Variants in WDFY3 observed in about 807,000 individuals in gnomAD.
The protein encoded by WDFY3 is WD repeat and FYVE domain-containing protein 3.
A neutral mutation model predicts 409.6 loss-of-function variants in WDFY3; 66 were observed. The observed-to-expected ratio is 0.16, with a 90% CI of 0.13 to 0.20. The LOEUF is 0.20. Among genes scored for constraint, WDFY3 ranks in the 10% least tolerant of loss-of-function variants. The pLI is 1.00. For missense variants in WDFY3, 3,031 were observed against 4,298.1 expected (o/e 0.71, Z 8.24); for synonymous variants, 1,521 against 1,537.1 (o/e 0.99, Z 0.25).
chr4:84,762,951 A>C (rs1477169896), intron 32 of WDFY3, among the ~76,000 whole-genome samples: 8 of 152,100 alleles, frequency 5.3e-5, no homozygotes, highest in Non-Finnish European at 1.5e-5. Flanking sequence ...ATCTCTAAAA[A>C]ATAAAAAAAA....
At chr4:84,790,625 T>C (rs978701278) in intron 21 of WDFY3, among the ~76,000 whole-genome samples, 4 of 152,084 alleles carry the variant, frequency 2.6e-5, no homozygotes, top group Non-Finnish European at 5.9e-5. Context: ...TATCTCAAAC[T>C]GAAAAGCTTT....
chr4:84,675,627 A>G lies in WDFY3; in HGVS notation c.10457+1572T>C, dbSNP rs114148863. ...GTGAGCATTTGGTCAGTGTAAACCC[A>G]AAGACTATGCCCATACCAGTAAGCC... On this transcript the variant is annotated intron_variant, in intron 67 of 67. Transcript: ENST00000295888. Among the ~76,000 whole-genome samples the G allele has an allele frequency of 2.0e-3, 298 of 152,308 alleles. 3 individuals carry two copies. Among genetic ancestry groups the G allele is most frequent in the African/African-American group, 6.9e-3 (285 of 41,574 alleles).
chr4:84,762,863 G>C (rs192676681), intron 32 of WDFY3, among the ~76,000 whole-genome samples: 221 of 152,200 alleles, frequency 1.5e-3, no homozygotes, highest in African/African-American at 5.2e-3. Flanking sequence ...AGGCATCTCA[G>C]CTACTCAGGA....
intron 7 of WDFY3, among the ~76,000 whole-genome samples, chr4:84,833,784 T>C (rs1039409982): frequency 6.6e-6 from 1 of 152,106 alleles, no homozygotes; most frequent in Admixed American, 6.5e-5. Context: ...AATATCACAT[T>C]TTATCTGAGA....
chr4:84,943,265 G>A (rs1772369992), intron 1 of WDFY3, among the ~76,000 whole-genome samples: 1 of 152,116 alleles, frequency 6.6e-6, no homozygotes, highest in African/African-American at 2.4e-5. Flanking sequence ...ACTTTGGGAG[G>A]CCGAGGCGGG....
intron 13 of WDFY3, among the ~76,000 whole-genome samples, chr4:84,811,345 C>T (rs1752460431): frequency 6.6e-6 from 1 of 152,160 alleles, no homozygotes; most frequent in African/African-American, 2.4e-5. Context: ...AATATTTTAT[C>T]AGGCACTTGC....
chr4:84,683,608 A>G (rs1727776705), intron 63 of WDFY3, among the ~76,000 whole-genome samples: 1 of 152,116 alleles, frequency 6.6e-6, no homozygotes, highest in African/African-American at 2.4e-5. Context: ...TGTTTTCCCT[A>G]CGAAGCCATT....
chr4:84,743,631 T>G (rs1200949259), intron 37 of WDFY3, 69 bp downstream of exon 37: 5 of 1,194,514 alleles, frequency 4.2e-6, no homozygotes, highest in Non-Finnish European at 5.6e-6. Context: ...TGTTAAAAAG[T>G]AGTTTTACTT....
chr4:84,900,491 T>C (rs954347972), intron 2 of WDFY3, among the ~76,000 whole-genome samples: 2 of 152,156 alleles, frequency 1.3e-5, no homozygotes. Context: ...GAGATTACAG[T>C]CATGAGCCAC....
rs566656964 is a variant in WDFY3 at position 84,688,194 on chromosome 4, C to T, written c.9435G>A (p.Gly3145=). ...AAATGATACAGGTTCGATCACGGGA[C>T]CCACTGACAATTATGTGATAGGCTA... The part of the protein sequence containing the change: ...ASLAYHIIVS[G]SRDRTCIIWD... Residue 3145 remains glycine (G), a synonymous_variant, in exon 62 of 68, where the codon GGG becomes GGA. Coordinates refer to ENST00000295888, the MANE Select transcript of WDFY3 (RefSeq NM_014991.6). The T allele has an allele frequency of 4.4e-5, 71 of 1,614,160 alleles. 1 individual carries two copies. The South Asian group carries it at 5.2e-4, about 12-fold the overall frequency.
intron 3 of WDFY3, among the ~76,000 whole-genome samples, chr4:84,864,365 CAAAAAAAAAAA>C (rs35016773): frequency 9.2e-5 from 3 of 32,572 alleles, no homozygotes; most frequent in African/African-American, 3.4e-4. Context: ...GACTCCATCT[CAAAAAAAAAAA>C]AAAAAAAAAA....
intron 32 of WDFY3, among the ~76,000 whole-genome samples, chr4:84,764,335 A>G (rs998283927): frequency 2.0e-5 from 3 of 152,208 alleles, no homozygotes; most frequent in Non-Finnish European, 4.4e-5. Flanking sequence ...CAAAATAATC[A>G]TATCTGTAGA....
At chr4:84,780,367 T>G in intron 25 of WDFY3, 69 bp from the exon 26 acceptor site, 1 of 1,414,018 alleles carries the variant, frequency 7.1e-7, no homozygotes, top group Non-Finnish European at 9.4e-7. Flanking sequence ...ATACATCATC[T>G]TGAAAAGTTT....
chr4:84,739,988 G>C (rs953211753), intron 39 of WDFY3, among the ~76,000 whole-genome samples, 199 bp downstream of exon 39: 4 of 151,118 alleles, frequency 2.6e-5, no homozygotes, highest in African/African-American at 9.8e-5. Context: ...TAAAGGTGTA[G>C]AAAACTAAGT....
At position 84,718,563 on chromosome 4, in the gene WDFY3, T is replaced by G; in HGVS notation, c.7613A>C (p.His2538Pro). The G allele has an allele frequency of 6.2e-7, 1 of 1,606,598 alleles. No homozygotes were observed. Among genetic ancestry groups the G allele is most frequent in the Non-Finnish European group, 8.5e-7 (1 of 1,177,718 alleles). The change falls in exon 48 of 68, where the codon CAC (histidine) becomes CCC (proline). Residue 2538 changes from histidine (H) to proline (P), a missense_variant. His to Pro is a moderately conservative substitution (Grantham distance 77). Transcript: ENST00000295888. ...RLLEEGEKIQHMYRCARVQGL... is the reference protein window; with the variant it reads ...RLLEEGEKIQPMYRCARVQGL... ...CTGGACTCGAGCACAGCGGTACATG[T>G]GTTGGATCTATAAAGAAGCCCACAA...
At chr4:84,688,719 T>TA (rs202199476) in intron 61 of WDFY3, among the ~76,000 whole-genome samples, 10 of 151,902 alleles carry the variant, frequency 6.6e-5, no homozygotes, top group Admixed American at 2.6e-4. Context: ...AATTTTTTTT[T>TA]AAAAAAATGC....
rs1729506807 is a variant in WDFY3 at position 84,692,977 on chromosome 4, T to C, written c.8957A>G (p.Asn2986Ser). ...TCCTGGTAGGACAGAGATTCCTGCA[T>C]TGTCTCCATTGAGTCGACTTCTCAC... ...KRVRSRLNGD[N>S]AGISVLPGST... The change falls in exon 59 of 68, where the codon AAT becomes AGT. Residue 2986 changes from asparagine to serine, a missense_variant. Transcript: ENST00000295888. 4 of 1,613,130 alleles carry C rather than the reference T, an allele frequency of 2.5e-6. No individual in the cohort carries two copies. In the South Asian group the frequency reaches 4.4e-5, roughly 18 times the overall value.
chr4:84,824,698 A>AACTCATCAAATTCAAC (rs1157950809), intron 10 of WDFY3, among the ~76,000 whole-genome samples: 6 of 152,174 alleles, frequency 3.9e-5, no homozygotes, highest in African/African-American at 7.2e-5. Context: ...CACTTGTCAA[A>AACTCATCAAATTCAAC]ACTCATCAAA....
At position 84,796,739 on chromosome 4, in the gene WDFY3, T is replaced by C. The variant is rs750931468; in HGVS notation, c.2949A>G (p.Thr983=). 2.5e-5 allele frequency: 41 copies of C among 1,612,570 alleles called. No homozygotes were observed. Among genetic ancestry groups the C allele is most frequent in the Admixed American group, 3.3e-5 (2 of 59,850 alleles). ...YEPEMRSSMI[T]SLEGLGTDNV... ...TATCAGTACCCAGACCTTCCAGAGA[T>C]GTGATCATACTACCTGTAAGTCAAG... is the stretch of plus-strand genomic sequence containing the variant. The change falls in exon 19 of 68, where the codon ACA becomes ACG. Residue 983 remains threonine (T), a synonymous_variant. Transcript: ENST00000295888.
Sources: allele counts gnomAD v4.1 joint callset (sites outside exome capture counted in the v4.1 genomes callset), GRCh38; gene constraint gnomAD v4.1.1; transcripts MANE v1.5; gene names NCBI Gene and HGNC (gene_info 2026-07-23, HGNC 2026-07-21).